The following QKI variants were observed in gnomAD, a reference collection of about 807,000 sequenced individuals.
The protein encoded by QKI is KH domain-containing RNA-binding protein QKI.
In QKI, 10 loss-of-function variants were observed where a neutral mutation model predicts 39.0. That is an observed-to-expected ratio of 0.26 (90% CI 0.16 to 0.43). QKI has a LOEUF of 0.43. Ranked by LOEUF, QKI falls within the 20% of genes least tolerant of loss-of-function variation. The pLI, the probability that QKI is intolerant of heterozygous loss-of-function variation, is 1.00. For synonymous variants in QKI, 204 were observed against 155.4 expected (o/e 1.31, Z -2.33); for missense variants, 218 against 428.0 (o/e 0.51, Z 4.33).
intron 2 of QKI, among the ~76,000 whole-genome samples, chr6:163,477,016 T>G (rs1435809205): frequency 1.8e-5 from 1 of 54,572 alleles, no homozygotes; most frequent in Non-Finnish European, 3.3e-5. Flanking sequence ...TTTTGTTTTG[T>G]TTTGTTTTTT....
At chr6:163,538,597 A>G (rs1781337942) in intron 4 of QKI, among the ~76,000 whole-genome samples, 1 of 152,132 alleles carries the variant, frequency 6.6e-6, no homozygotes, top group South Asian at 2.1e-4. Context: ...GAAGCTATTT[A>G]TTGGAGGAAT....
chr6:163,423,877 A>G (rs1234508354), intron 1 of QKI, among the ~76,000 whole-genome samples: 2 of 152,220 alleles, frequency 1.3e-5, no homozygotes, highest in Admixed American at 1.3e-4. Flanking sequence ...GAAGTATGCT[A>G]TTGCTAAGTG....
chr6:163,555,568 G>A (rs938415454), intron 4 of QKI, among the ~76,000 whole-genome samples: 4 of 145,156 alleles, frequency 2.8e-5, no homozygotes, highest in Non-Finnish European at 6.0e-5. Flanking sequence ...CTGTGTTATT[G>A]AGGAACACAT....
chr6:163,441,477 G>A (rs71569406), intron 1 of QKI, among the ~76,000 whole-genome samples: 8,432 of 152,224 alleles, frequency 0.055, 337 homozygotes, highest in Non-Finnish European at 0.086. Flanking sequence ...GGATGTAGAT[G>A]TTACAAATAT....
At chr6:163,430,143 A>G (rs890942023) in intron 1 of QKI, among the ~76,000 whole-genome samples, 8 of 152,256 alleles carry the variant, frequency 5.3e-5, no homozygotes, top group Non-Finnish European at 1.2e-4. Context: ...AGGTGTAAAT[A>G]ATTCTCTATT....
At chr6:163,504,623 G>A (rs1262307740) in intron 3 of QKI, among the ~76,000 whole-genome samples, 1 of 152,088 alleles carries the variant, frequency 6.6e-6, no homozygotes, top group Admixed American at 6.5e-5. Flanking sequence ...TGTGAGTTTG[G>A]CTGTCGTAAA....
At chr6:163,498,323 A>G (rs765609940) in intron 3 of QKI, among the ~76,000 whole-genome samples, 2 of 152,284 alleles carry the variant, frequency 1.3e-5, no homozygotes, top group Middle Eastern at 3.4e-3. Flanking sequence ...TTATTGGACA[A>G]TGTTGGTTTA....
rs543932516 is a variant in QKI at position 163,488,968 on chromosome 6, C to T, written c.402+10072C>T. 1.5e-3 allele frequency among the ~76,000 whole-genome samples: 175 copies of T among 113,098 alleles called. 2 individuals carry two copies. In the East Asian group the frequency reaches 0.038, roughly 25 times the overall value. 74.2% of individuals were successfully genotyped at this position (113,098 alleles called of 152,430 possible). A position where few individuals can be genotyped will look rare whatever the true frequency, so the allele number is the denominator to read the frequency against. On this transcript the variant is annotated intron_variant, in intron 3 of 7. Coordinates refer to ENST00000361752, the MANE Select transcript of QKI (RefSeq NM_006775.3). The stretch of plus-strand genomic sequence containing the variant: ...ATTTTTAGTTTTTGGTTTATCCTTC[C>T]ATTTCTTTTTTTTTTTTTTTTTAAA...
At chr6:163,447,964 C>T in intron 1 of QKI, among the ~76,000 whole-genome samples, 1 of 152,022 alleles carries the variant, frequency 6.6e-6, no homozygotes, top group East Asian at 1.9e-4. Context: ...ATAGTTGTAT[C>T]TTTTTTGACT....
chr6:163,439,434 G>A (rs1323607793), intron 1 of QKI, among the ~76,000 whole-genome samples: 1 of 138,972 alleles, frequency 7.2e-6, no homozygotes, highest in Admixed American at 7.7e-5. Context: ...TGCACCCTCC[G>A]CCTCCTGGTT....
At chr6:163,424,456 C>T (rs1463746626) in intron 1 of QKI, among the ~76,000 whole-genome samples, 1 of 152,134 alleles carries the variant, frequency 6.6e-6, no homozygotes, top group Non-Finnish European at 1.5e-5. Context: ...CTAATCATGA[C>T]TCCGCAATTA....
chr6:163,566,041 T>G (rs1405258845), intron 6 of QKI: 21 of 1,583,430 alleles, frequency 1.3e-5, no homozygotes, highest in Non-Finnish European at 1.8e-5. Flanking sequence ...CTCAGCAGCC[T>G]CCGGGGGAAA....
At chr6:163,494,644 G>A (rs540756670) in intron 3 of QKI, among the ~76,000 whole-genome samples, 12 of 140,318 alleles carry the variant, frequency 8.6e-5, no homozygotes, top group East Asian at 2.2e-4. Context: ...TTAGTGTCAC[G>A]TTTTGGGTTT....
chr6:163,566,667 T>C (rs1783376151), intron 6 of QKI, 54 bp from the exon 7 acceptor site: 5 of 1,599,274 alleles, frequency 3.1e-6, no homozygotes, highest in Non-Finnish European at 4.3e-6. Flanking sequence ...TTAATGTTTT[T>C]TCCCCCCTTG....
At position 163,415,056 on chromosome 6, in the gene QKI, G is replaced by C. The variant is rs1397412705; in HGVS notation, c.-138G>C. ...TGCCGGCCGCCCCGGGGCTCGGCGC[G>C]GGAGCCAGAGCGGGAGCCGGCGCGG... On this transcript the variant is annotated 5_prime_UTR_variant, in exon 1 of 8. Transcript: ENST00000361752. 2.0e-5 allele frequency: 13 copies of C among 636,152 alleles called. No homozygotes were observed. The highest frequency in any genetic ancestry group is 2.5e-5 in the Non-Finnish European group (13 of 525,948). The allele number at this position is 636,152 out of a possible 1,614,324, so 39.4% of individuals were successfully genotyped here.
chr6:163,475,034 T>G (rs1233246965), intron 2 of QKI, among the ~76,000 whole-genome samples: 1 of 152,184 alleles, frequency 6.6e-6, no homozygotes, highest in Non-Finnish European at 1.5e-5. Context: ...GCAAGTATTA[T>G]TTTAGAAATT....
intron 1 of QKI, among the ~76,000 whole-genome samples, chr6:163,436,457 C>A (rs539822923): frequency 1.3e-5 from 2 of 151,924 alleles, no homozygotes; most frequent in South Asian, 4.2e-4. Flanking sequence ...GCAAGAAAAA[C>A]GTTTTACAAA....
At chr6:163,568,545 C>T (rs1488077576) in intron 7 of QKI, 1 of 980,420 alleles carries the variant, frequency 1.0e-6, no homozygotes, top group Non-Finnish European at 1.2e-6. Flanking sequence ...TCACTGTATG[C>T]ACTCATTGGG....
At chr6:163,565,042 A>G (rs963442432) in intron 6 of QKI, 15 of 1,117,416 alleles carry the variant, frequency 1.3e-5, no homozygotes, top group Non-Finnish European at 1.6e-5. Context: ...GCATGCACTC[A>G]GGTGCCCTTT....
Sources: gnomAD v4.1 joint callset for allele counts (sites outside exome capture counted in the v4.1 genomes callset) on GRCh38, gnomAD v4.1.1 for gene constraint, MANE v1.5 for transcripts, NCBI Gene and HGNC (gene_info 2026-07-23, HGNC 2026-07-21) for gene names.